Variants in PARD3B observed in about 807,000 individuals in gnomAD.
PARD3B encodes the protein par-3 family cell polarity regulator beta, also known as partitioning defective 3 homolog B.
In PARD3B, 103 loss-of-function variants were observed where a neutral mutation model predicts 130.2. The observed-to-expected ratio is 0.79, with a 90% CI of 0.67 to 0.93. PARD3B has a LOEUF of 0.93. Among genes scored for constraint, PARD3B ranks in the 40% least tolerant of loss-of-function variants. The pLI, the probability that PARD3B is intolerant of heterozygous loss-of-function variation, is 0.00. For synonymous variants in PARD3B, 583 were observed against 553.2 expected, an observed-to-expected ratio of 1.05 and a Z score of -0.76; for missense variants, 1,609 against 1,499.2, an observed-to-expected ratio of 1.07 and a Z score of -1.21.
intron 2 of PARD3B, among the ~76,000 whole-genome samples, chr2:204,881,549 GA>G (rs1420113792): frequency 6.6e-6 from 1 of 152,030 alleles, no homozygotes; most frequent in Non-Finnish European, 1.5e-5. Context: ...GATTGTCTGG[GA>G]AAATTAGTTG....
intron 2 of PARD3B, among the ~76,000 whole-genome samples, chr2:204,770,620 A>T (rs1318422779): frequency 6.6e-6 from 1 of 152,026 alleles, no homozygotes; most frequent in Non-Finnish European, 1.5e-5. Flanking sequence ...CAGTCAACAA[A>T]TATTTTTGGC....
At chr2:204,661,656 A>G (rs902209089) in intron 1 of PARD3B, among the ~76,000 whole-genome samples, 2 of 152,210 alleles carry the variant, frequency 1.3e-5, no homozygotes, top group African/African-American at 2.4e-5. Context: ...TTTGGATTAG[A>G]TATTATAACT....
chr2:205,467,868 G>A (rs1218116656), intron 20 of PARD3B, among the ~76,000 whole-genome samples: 2 of 152,182 alleles, frequency 1.3e-5, no homozygotes, highest in African/African-American at 4.8e-5. Flanking sequence ...AAGCACCATT[G>A]TCTCTTCTCT....
chr2:204,638,486 A>G (rs962837706), intron 1 of PARD3B, among the ~76,000 whole-genome samples: 1 of 152,218 alleles, frequency 6.6e-6, no homozygotes, highest in Non-Finnish European at 1.5e-5. Flanking sequence ...TGATCGCTAT[A>G]TATTTAAACT....
At chr2:204,660,468 G>A (rs1229128723) in intron 1 of PARD3B, among the ~76,000 whole-genome samples, 1 of 152,108 alleles carries the variant, frequency 6.6e-6, no homozygotes. Flanking sequence ...GGGTGTGGTG[G>A]CCTATGAAAA....
At chr2:204,956,139 A>G (rs2125835176) in intron 2 of PARD3B, among the ~76,000 whole-genome samples, 1 of 152,296 alleles carries the variant, frequency 6.6e-6, no homozygotes, top group Middle Eastern at 3.4e-3. Flanking sequence ...ATCTTTGCAG[A>G]AATAAACCAA....
chr2:204,686,362 C>A, intron 2 of PARD3B, 80 bp downstream of exon 2: 1 of 1,021,450 alleles, frequency 9.8e-7, no homozygotes, highest in Non-Finnish European at 1.5e-6. Flanking sequence ...CCTTAACAAA[C>A]TCATGTGTCA....
Position 204,678,051 on chromosome 2 carries a change from C to G in PARD3B, c.121-8130C>G, listed in dbSNP as rs2036634644. 6.6e-6 allele frequency among the ~76,000 whole-genome samples: 1 copy of G among 152,164 alleles called. No homozygotes were observed. Among genetic ancestry groups the G allele is most frequent in the African/African-American group, 2.4e-5 (1 of 41,424 alleles). ...TTATGTAAATACCTTGGAAGTATAT[C>G]ACACGTGCAGAAAAGTACACAAGTT... On this transcript the variant is annotated intron_variant, in intron 1 of 22. Coordinates refer to ENST00000406610, the MANE Select transcript of PARD3B (RefSeq NM_001302769.2). The surrounding 1 kb of genome is among the most constrained non-coding windows in gnomAD (Gnocchi z 4.2).
chr2:205,339,036 A>G (rs2043420701), intron 18 of PARD3B, among the ~76,000 whole-genome samples: 4 of 152,162 alleles, frequency 2.6e-5, no homozygotes, highest in Admixed American at 2.6e-4. Flanking sequence ...TAACATGTAA[A>G]ATTTGTAAAA....
rs1290381858 is a variant in PARD3B, at chr2:205,268,190, A to T, written c.2185+22368A>T. ...TACCAAGCCCAAGAAGGAACTGCTG[A>T]TCATCAGGGATCTGATCACAAAATA... On this transcript the variant is annotated intron_variant, in intron 16 of 22. Transcript: ENST00000406610. The surrounding 1 kb of genome is among the most constrained non-coding windows in gnomAD (Gnocchi z 4.1). Among the ~76,000 whole-genome samples the T allele has an allele frequency of 6.6e-6, 1 of 152,248 alleles. No homozygotes were observed.
At chr2:205,522,109 A>C (rs951086635) in intron 21 of PARD3B, among the ~76,000 whole-genome samples, 3 of 151,474 alleles carry the variant, frequency 2.0e-5, no homozygotes, top group African/African-American at 4.8e-5. Context: ...AATATATTTA[A>C]TAATTATTTT....
intron 2 of PARD3B, among the ~76,000 whole-genome samples, chr2:204,871,104 A>G (rs1446444939): frequency 1.3e-5 from 2 of 152,166 alleles, no homozygotes; most frequent in Non-Finnish European, 2.9e-5. Flanking sequence ...TAATGACTTT[A>G]GATGTTCTTC....
chr2:205,149,901 A>G (rs1392343776), intron 10 of PARD3B, among the ~76,000 whole-genome samples: 1 of 152,224 alleles, frequency 6.6e-6, no homozygotes, highest in Admixed American at 6.5e-5. Context: ...TCTGGTGGGT[A>G]GTAGCCAAGG....
chr2:204,719,400 A>G (rs977122675), intron 2 of PARD3B, among the ~76,000 whole-genome samples: 10 of 152,230 alleles, frequency 6.6e-5, no homozygotes, highest in Non-Finnish European at 1.3e-4. Flanking sequence ...TGATATTTGA[A>G]TAGACAGAAA....
At chr2:204,897,773 G>T (rs2046693347) in intron 2 of PARD3B, among the ~76,000 whole-genome samples, 1 of 151,992 alleles carries the variant, frequency 6.6e-6, no homozygotes, top group Non-Finnish European at 1.5e-5. Context: ...GCAAGCAAGG[G>T]AACATTGATC....
intron 1 of PARD3B, among the ~76,000 whole-genome samples, chr2:204,645,431 C>T (rs2035238715): frequency 6.6e-6 from 1 of 152,030 alleles, no homozygotes; most frequent in African/African-American, 2.4e-5. Flanking sequence ...TTTTCATAAG[C>T]AGTTCATTAA....
At chr2:204,783,378 T>G (rs1172476809) in intron 2 of PARD3B, among the ~76,000 whole-genome samples, 2 of 152,094 alleles carry the variant, frequency 1.3e-5, no homozygotes, top group African/African-American at 4.8e-5. Flanking sequence ...AGAGAGATCT[T>G]TAAAGTCGGT....
In PARD3B at chr2:204,963,588, T is replaced by A. The variant is rs139412301; in HGVS notation, c.223-1564T>A. Reference sequence around the variant, plus strand: ...AGTTATTATATAACAGAAATAGTGATGAAAATCACACATCCACCACATTAA... The same window carrying A: ...AGTTATTATATAACAGAAATAGTGAAGAAAATCACACATCCACCACATTAA... On this transcript the variant is annotated intron_variant, in intron 2 of 22. Coordinates refer to ENST00000406610, the MANE Select transcript of PARD3B (RefSeq NM_001302769.2). Among the ~76,000 whole-genome samples, 566 of 152,304 alleles carry A rather than the reference T, an allele frequency of 3.7e-3. 3 individuals are homozygous for A. Among genetic ancestry groups the A allele is most frequent in the Middle Eastern group, 6.8e-3 (2 of 294 alleles).
chr2:204,847,382 A>G (rs1370530744), intron 2 of PARD3B, among the ~76,000 whole-genome samples: 1 of 152,154 alleles, frequency 6.6e-6, no homozygotes, highest in Non-Finnish European at 1.5e-5. Context: ...TAGATTCATG[A>G]AAAAAACTGG....
Sources: allele counts gnomAD v4.1 joint callset (sites outside exome capture counted in the v4.1 genomes callset), GRCh38; gene constraint gnomAD v4.1.1; non-coding constraint Gnocchi (gnomAD v3.1); transcripts MANE v1.5; gene names NCBI Gene and HGNC (gene_info 2026-07-23, HGNC 2026-07-21).